Variants in STRA8 observed in about 807,000 individuals in gnomAD.
STRA8 encodes the protein stimulated by retinoic acid gene 8 protein homolog.
Under a neutral mutation model 37.1 loss-of-function variants are expected in STRA8, and 18 were observed. That is an observed-to-expected ratio of 0.48 (90% CI 0.34 to 0.72). The LOEUF (loss-of-function observed/expected upper bound fraction) is 0.72. STRA8 is among the 30% of genes least tolerant of loss of function. The pLI, the probability that STRA8 is intolerant of heterozygous loss-of-function variation, is 0.01. For synonymous variants in STRA8, 168 were observed against 162.9 expected, an observed-to-expected ratio of 1.03 and a Z score of -0.24; for missense variants, 357 against 410.4, an observed-to-expected ratio of 0.87 and a Z score of 1.13.
At chr7:135,235,860 G>A (rs1275189946) in intron 1 of STRA8, among the ~76,000 whole-genome samples, 7 of 152,068 alleles carry the variant, frequency 4.6e-5, no homozygotes, top group African/African-American at 1.7e-4. Flanking sequence ...TGTAAAGCCA[G>A]CACTTTGGGA....
intron 7 of STRA8, 92 bp downstream of exon 7, chr7:135,251,961 C>T: frequency 8.4e-7 from 1 of 1,196,310 alleles, no homozygotes; most frequent in Non-Finnish European, 1.2e-6. Context: ...TTTGCATGTG[C>T]ATGAATGTGG....
upstream of STRA8, among the ~76,000 whole-genome samples, chr7:135,232,963 G>C (rs558953891): frequency 6.6e-6 from 1 of 152,296 alleles, no homozygotes; most frequent in African/African-American, 2.4e-5. Context: ...ACCGTGCACT[G>C]GCCCTGAGCC....
Position 135,246,414 on chromosome 7 carries a change from C to G in STRA8, c.594-3C>G, listed in dbSNP as rs1353038192. ...GTGCGAGACGGCGCCGCTTCTGTTCCAGGTATCTCAACTTTTACAAACAGA... is the reference window on the plus strand; with the variant it reads ...GTGCGAGACGGCGCCGCTTCTGTTCGAGGTATCTCAACTTTTACAAACAGA... On this transcript the variant is annotated splice_polypyrimidine_tract_variant and splice_region_variant and intron_variant, in intron 5 of 8. Coordinates refer to ENST00000662584, the MANE Select transcript of STRA8 (RefSeq NM_001394401.1). This position sits in a 1 kb window ranked among gnomAD's most constrained non-coding sequence, Gnocchi z 5.4. The G allele has an allele frequency of 6.3e-7, 1 of 1,599,744 alleles. No individual in the cohort carries two copies. The highest frequency in any genetic ancestry group is 8.5e-7 in the Non-Finnish European group (1 of 1,172,400).
intron 7 of STRA8, among the ~76,000 whole-genome samples, chr7:135,254,364 A>C (rs1832676906): frequency 6.6e-6 from 1 of 152,108 alleles, no homozygotes; most frequent in African/African-American, 2.4e-5. Flanking sequence ...CTGCCTGCTG[A>C]CTCACAGTGA....
rs973455518 is a variant in STRA8, at chr7:135,255,063, A to G, written c.954-51A>G. On this transcript the variant is annotated intron_variant, in intron 7 of 8. Transcript: ENST00000662584. The stretch of plus-strand genomic sequence containing the variant: ...TTCAGGGGAGGGGGAAGCAGAGTTG[A>G]AAGATCAGGATCCTGAATATTTGTT... 7 of 1,445,814 alleles carry G rather than the reference A, an allele frequency of 4.8e-6. No individual in the cohort carries two copies. The African/African-American group carries it at 8.4e-5, about 17-fold the overall frequency. The allele number at this position is 1,445,814 out of a possible 1,614,324, so 89.6% of individuals were successfully genotyped here.
At chr7:135,244,882 A>G (rs966601180) in intron 4 of STRA8, among the ~76,000 whole-genome samples, 1 of 152,166 alleles carries the variant, frequency 6.6e-6, no homozygotes, top group African/African-American at 2.4e-5. Flanking sequence ...GGACAGTCTC[A>G]TTTTATTCCT....
At chr7:135,232,496 A>C (rs1773947056), upstream of STRA8, among the ~76,000 whole-genome samples, 1 of 152,116 alleles carries the variant, frequency 6.6e-6, no homozygotes, top group Non-Finnish European at 1.5e-5. Context: ...ATTAAAAATT[A>C]GCATGGTGTG....
chr7:135,256,812 A>C (rs1361606665), intron 8 of STRA8, among the ~76,000 whole-genome samples: 1 of 152,146 alleles, frequency 6.6e-6, no homozygotes, highest in African/African-American at 2.4e-5. Flanking sequence ...CCAGACAACA[A>C]CAACAACAGA....
upstream of STRA8, among the ~76,000 whole-genome samples, chr7:135,233,206 C>A (rs183255853): frequency 1.3e-5 from 2 of 152,240 alleles, no homozygotes; most frequent in East Asian, 3.9e-4. Flanking sequence ...CAGAGTGAAC[C>A]CCTTTTCTCT....
intron 1 of STRA8, among the ~76,000 whole-genome samples, chr7:135,239,358 T>G (rs1175303879): frequency 6.6e-5 from 10 of 152,200 alleles, no homozygotes; most frequent in Admixed American, 6.5e-4. Context: ...GCATGTGTAT[T>G]TTCAACAGTC....
chr7:135,256,431 C>T (rs972832415), intron 8 of STRA8, among the ~76,000 whole-genome samples: 2 of 152,154 alleles, frequency 1.3e-5, no homozygotes, highest in African/African-American at 2.4e-5. Context: ...TGAGAATAGA[C>T]GAAAAGGACA....
At chr7:135,247,646 A>G (rs763756763) in intron 6 of STRA8, among the ~76,000 whole-genome samples, 2 of 152,226 alleles carry the variant, frequency 1.3e-5, no homozygotes, top group Non-Finnish European at 2.9e-5. Context: ...TGGACCAATC[A>G]GGTCCAGCCC....
In STRA8 at chr7:135,235,438, C is replaced by A. The variant is rs894026648; in HGVS notation, c.-7+1535C>A. Among the ~76,000 whole-genome samples, 3 of 140,988 alleles carry A rather than the reference C, an allele frequency of 2.1e-5. No individual in the cohort carries two copies. In the Admixed American group the frequency reaches 2.2e-4, roughly 10 times the overall value. 92.5% of individuals were successfully genotyped at this position (140,988 alleles called of 152,430 possible). ...CTCCAGATACTCATAGAATCATGAG[C>A]ATGACTTTTTTTTTTTTTTTAAGAC... On this transcript the variant is annotated intron_variant, in intron 1 of 8. Transcript: ENST00000662584.
At chr7:135,243,978 T>A (rs575737890) in intron 4 of STRA8, among the ~76,000 whole-genome samples, 2 of 152,368 alleles carry the variant, frequency 1.3e-5, no homozygotes, top group South Asian at 4.1e-4. Flanking sequence ...ATTATTAATG[T>A]CACATTCATA....
At chr7:135,240,494 A>T in intron 1 of STRA8, 25 bp from the exon 2 acceptor site, 3 of 1,597,938 alleles carry the variant, frequency 1.9e-6, no homozygotes, top group Non-Finnish European at 2.6e-6. Context: ...TAGGGCAAAA[A>T]AAAAAGCATA....
At position 135,249,196 on chromosome 7, in the gene STRA8, C is replaced by G. The variant is rs144657482; in HGVS notation, c.879+2494C>G. On this transcript the variant is annotated intron_variant, in intron 6 of 8. Transcript: ENST00000662584. Reference sequence around the variant, plus strand: ...ATATATGGAAACCTGATATATGGCACTCGATATTGGCATTGCACATCAAGT... The same window carrying G: ...ATATATGGAAACCTGATATATGGCAGTCGATATTGGCATTGCACATCAAGT... 1.9e-3 allele frequency among the ~76,000 whole-genome samples: 284 copies of G among 152,252 alleles called. 1 individual carries two copies. The highest frequency in any genetic ancestry group is 6.5e-3 in the African/African-American group (271 of 41,546).
Position 135,246,735 on chromosome 7 carries a change from G to C in STRA8, c.879+33G>C. On this transcript the variant is annotated intron_variant, in intron 6 of 8. Coordinates refer to ENST00000662584, the MANE Select transcript of STRA8 (RefSeq NM_001394401.1). This position sits in a 1 kb window ranked among gnomAD's most constrained non-coding sequence, Gnocchi z 5.4. ...GGCCCACCGGGGTGGCGTGGATGGG[G>C]CACGGGAACCACCCTCGCCCTCGCC... 1 of 1,490,028 alleles carries C rather than the reference G, an allele frequency of 6.7e-7. No individual in the cohort carries two copies. Among genetic ancestry groups the C allele is most frequent in the Non-Finnish European group, 8.9e-7 (1 of 1,128,628 alleles). 92.3% of individuals were successfully genotyped at this position (1,490,028 alleles called of 1,614,324 possible).
intron 6 of STRA8, among the ~76,000 whole-genome samples, chr7:135,251,503 A>G (rs944328976): frequency 2.0e-5 from 3 of 152,122 alleles, no homozygotes; most frequent in African/African-American, 7.2e-5. Flanking sequence ...ATTGCATCTC[A>G]CACCTGAGCT....
intron 1 of STRA8, among the ~76,000 whole-genome samples, chr7:135,239,032 T>G (rs1249507150): frequency 6.6e-6 from 1 of 152,230 alleles, no homozygotes; most frequent in East Asian, 1.9e-4. Flanking sequence ...AAGGGAAAGT[T>G]GATACACTGG....
Sources: allele counts gnomAD v4.1 joint callset (sites outside exome capture counted in the v4.1 genomes callset), GRCh38; gene constraint gnomAD v4.1.1; non-coding constraint Gnocchi (gnomAD v3.1); transcripts MANE v1.5; gene names NCBI Gene and HGNC (gene_info 2026-07-23, HGNC 2026-07-21).